Variants in CHIC2 observed in about 807,000 individuals in gnomAD.
CHIC2 encodes the protein cysteine-rich hydrophobic domain-containing protein 2.
In CHIC2, 14 loss-of-function variants were observed where a neutral mutation model predicts 25.9. The ratio of observed to expected loss-of-function variants is 0.54; its 90% CI spans 0.36 to 0.85. The LOEUF is 0.85. CHIC2 is among the 40% of genes least tolerant of loss of function. The pLI, the probability that CHIC2 is intolerant of heterozygous loss-of-function variation, is 0.01. For missense variants in CHIC2, 146 were observed against 202.0 expected (o/e 0.72, Z 1.68); for synonymous variants, 70 against 72.0 (o/e 0.97, Z 0.14).
At chr4:54,040,703 CAAAAAAAAAA>C (rs71200354) in intron 3 of CHIC2, among the ~76,000 whole-genome samples, 3 of 59,310 alleles carry the variant, frequency 5.1e-5, no homozygotes, top group Non-Finnish European at 9.0e-5. Context: ...AACTCTGTCT[CAAAAAAAAAA>C]AAAAAAAAAA....
At chr4:54,049,629 T>A (rs1194822630) in intron 1 of CHIC2, among the ~76,000 whole-genome samples, 1 of 152,190 alleles carries the variant, frequency 6.6e-6, no homozygotes, top group Admixed American at 6.6e-5. Flanking sequence ...AGCATATTAT[T>A]TTAATGGGTG....
At chr4:54,039,122 ATGGGTCAC>A (rs1716487270) in intron 3 of CHIC2, among the ~76,000 whole-genome samples, 1 of 152,210 alleles carries the variant, frequency 6.6e-6, no homozygotes, top group Admixed American at 6.5e-5. Context: ...CTGAGTCAAA[ATGGGTCAC>A]ACACCTAAAA....
At chr4:54,066,076 C>A (rs1359953227), upstream of CHIC2, among the ~76,000 whole-genome samples, 1 of 152,224 alleles carries the variant, frequency 6.6e-6, no homozygotes, top group Non-Finnish European at 1.5e-5. Context: ...ATTGTCATCT[C>A]TGCCAGGGGC....
intron 1 of CHIC2, among the ~76,000 whole-genome samples, chr4:54,061,957 A>G (rs1560399768): frequency 6.6e-6 from 1 of 152,182 alleles, no homozygotes; most frequent in Non-Finnish European, 1.5e-5. Context: ...CCTGTTTCTC[A>G]AAGTGGAAAA....
At chr4:54,079,716 T>C in the CHIC2 span, among the ~76,000 whole-genome samples, 5 of 152,200 alleles carry the variant, frequency 3.3e-5, no homozygotes, top group Admixed American at 6.5e-5. Context: ...CACAATGGGA[T>C]ATCACTTCAC....
intron 3 of CHIC2, among the ~76,000 whole-genome samples, chr4:54,031,106 T>C (rs551524262): frequency 2.6e-5 from 4 of 152,014 alleles, no homozygotes; most frequent in South Asian, 2.1e-4. Context: ...TTTCAGACGA[T>C]TACACATTTT....
chr4:54,064,320 C>A lies in CHIC2; in HGVS notation c.-20G>T, dbSNP rs767394713. The A allele has an allele frequency of 6.2e-7, 1 of 1,612,858 alleles. No individual in the cohort carries two copies. The highest frequency in any genetic ancestry group is 8.5e-7 in the Non-Finnish European group (1 of 1,179,402). On this transcript the variant is annotated 5_prime_UTR_variant, in exon 1 of 6. It adds an upstream start codon to the 5' untranslated region. Coordinates refer to ENST00000263921, the MANE Select transcript of CHIC2 (RefSeq NM_012110.4). This position sits in a 1 kb window ranked among gnomAD's most constrained non-coding sequence, Gnocchi z 4.2. ...CGCCATCCTGAGCCTCCGAGCTCCC[C>A]TGCCCAAAGGGCCTGACTCCCGGGG... is the stretch of plus-strand genomic sequence containing the variant.
intron 5 of CHIC2, among the ~76,000 whole-genome samples, chr4:54,010,774 C>G (rs1426883907): frequency 6.6e-6 from 1 of 152,122 alleles, no homozygotes; most frequent in Non-Finnish European, 1.5e-5. Flanking sequence ...AACCCAACTA[C>G]ATGAGTCTTC....
intron 1 of CHIC2, among the ~76,000 whole-genome samples, chr4:54,057,417 A>C (rs1459673626): frequency 6.6e-6 from 1 of 152,140 alleles, no homozygotes; most frequent in Non-Finnish European, 1.5e-5. Flanking sequence ...TTCCTCAGGC[A>C]AGTCAAGCTT....
chr4:54,034,897 T>C (rs1277712905), intron 3 of CHIC2, among the ~76,000 whole-genome samples: 3 of 152,222 alleles, frequency 2.0e-5, no homozygotes, highest in South Asian at 4.1e-4. Context: ...CTTTATCAGC[T>C]TGAGGAAGTT....
At chr4:54,051,096 CACTGCCATCA>C (rs1363420581) in intron 1 of CHIC2, among the ~76,000 whole-genome samples, 1 of 151,972 alleles carries the variant, frequency 6.6e-6, no homozygotes, top group East Asian at 1.9e-4. Context: ...CTTCTCTTAC[CACTGCCATCA>C]ATCATTTCAT....
the CHIC2 span, among the ~76,000 whole-genome samples, chr4:54,076,158 G>A: frequency 4.6e-5 from 7 of 151,932 alleles, no homozygotes; most frequent in African/African-American, 1.7e-4. Context: ...GCGTGGTAAG[G>A]CACAGCTGTA....
chr4:54,022,918 A>T (rs539251995), intron 3 of CHIC2, among the ~76,000 whole-genome samples: 1 of 152,302 alleles, frequency 6.6e-6, no homozygotes. Context: ...AAAACCTGAC[A>T]AGTCTTATAG....
At chr4:54,031,865 T>G (rs781545340) in intron 3 of CHIC2, among the ~76,000 whole-genome samples, 14 of 151,956 alleles carry the variant, frequency 9.2e-5, no homozygotes, top group Non-Finnish European at 1.5e-4. Context: ...AGCAATCCAC[T>G]TGCCTCGGCC....
At chr4:54,030,339 G>A (rs1045354605) in intron 3 of CHIC2, among the ~76,000 whole-genome samples, 14 of 151,948 alleles carry the variant, frequency 9.2e-5, no homozygotes, top group Non-Finnish European at 1.9e-4. Context: ...GTAACCCAGA[G>A]AGACCTCATT....
chr4:54,091,585 G>A, the CHIC2 span, among the ~76,000 whole-genome samples: 1 of 152,220 alleles, frequency 6.6e-6, no homozygotes, highest in South Asian at 2.1e-4. Context: ...ATTGGGTACA[G>A]TGTACACTGC....
chr4:54,049,680 A>G (rs920665071), intron 1 of CHIC2, among the ~76,000 whole-genome samples: 9 of 152,188 alleles, frequency 5.9e-5, no homozygotes, highest in African/African-American at 1.9e-4. Context: ...ATTGGTGGAA[A>G]CAAACAATAC....
chr4:54,043,315 G>A (rs1269590845), intron 3 of CHIC2, among the ~76,000 whole-genome samples: 3 of 151,886 alleles, frequency 2.0e-5, no homozygotes, highest in Non-Finnish European at 4.4e-5. Flanking sequence ...CAGCTACTCA[G>A]GAGGCTGACA....
intron 1 of CHIC2, 36 bp from the exon 2 acceptor site, chr4:54,049,341 G>T: frequency 7.2e-7 from 1 of 1,390,904 alleles, no homozygotes; most frequent in Non-Finnish European, 1.0e-6. Flanking sequence ...GTTATTACAT[G>T]TTATTGTTGC....
Sources: allele counts gnomAD v4.1 joint callset (sites outside exome capture counted in the v4.1 genomes callset), GRCh38; gene constraint gnomAD v4.1.1; non-coding constraint Gnocchi (gnomAD v3.1); transcripts MANE v1.5; gene names NCBI Gene and HGNC (gene_info 2026-07-23, HGNC 2026-07-21).